The following NCOA3 variants were observed in gnomAD, a reference collection of about 807,000 sequenced individuals.
The protein encoded by NCOA3 is nuclear receptor coactivator 3, also known as CBP-interacting protein.
NCOA3 carries 51 observed loss-of-function variants against 158.8 expected under a neutral mutation model. That is an observed-to-expected ratio of 0.32 (90% CI 0.26 to 0.41). NCOA3 has a LOEUF of 0.41. Among genes scored for constraint, NCOA3 ranks in the 10% least tolerant of loss-of-function variants. The pLI, the probability that NCOA3 is intolerant of heterozygous loss-of-function variation, is 1.00. For synonymous variants in NCOA3, 537 were observed against 592.4 expected (o/e 0.91, Z 1.36); for missense variants, 1,510 against 1,746.6 (o/e 0.86, Z 2.41).
At chr20:47,638,169 C>T (rs935120692) in intron 13 of NCOA3, among the ~76,000 whole-genome samples, 2 of 152,132 alleles carry the variant, frequency 1.3e-5, no homozygotes, top group African/African-American at 4.8e-5. Flanking sequence ...AGAATCTTGT[C>T]ATTTAATTAA....
chr20:47,536,091 G>C (rs1051530139), intron 1 of NCOA3, among the ~76,000 whole-genome samples: 4 of 152,232 alleles, frequency 2.6e-5, no homozygotes, highest in East Asian at 1.9e-4. Context: ...CACAAGATAG[G>C]GGGGCATGGC....
intron 20 of NCOA3, 126 bp downstream of exon 20, chr20:47,651,402 C>T: frequency 2.1e-6 from 3 of 1,414,714 alleles, no homozygotes; most frequent in Non-Finnish European, 2.8e-6. Flanking sequence ...CAAGGAAAAC[C>T]AAATTAATTT....
intron 2 of NCOA3, among the ~76,000 whole-genome samples, chr20:47,620,429 C>T (rs1015208091): frequency 4.6e-5 from 7 of 152,124 alleles, no homozygotes; most frequent in East Asian, 3.8e-4. Flanking sequence ...AAATCAAAAC[C>T]GAACATACCT....
intron 1 of NCOA3, among the ~76,000 whole-genome samples, chr20:47,531,108 G>C (rs1278266639): frequency 1.3e-5 from 2 of 152,122 alleles, no homozygotes; most frequent in African/African-American, 4.8e-5. Flanking sequence ...GAGACTGAGG[G>C]CAGGCAGATC....
chr20:47,573,934 A>C (rs2085334690), intron 1 of NCOA3, among the ~76,000 whole-genome samples: 1 of 152,154 alleles, frequency 6.6e-6, no homozygotes, highest in African/African-American at 2.4e-5. Flanking sequence ...ATTAAATAAC[A>C]ACCCTTTTCC....
Position 47,633,570 on chromosome 20 carries a change from T to C in NCOA3, c.898T>C (p.Cys300Arg). Residue 300 changes from cysteine (C) to arginine (R), a missense_variant, in exon 9 of 23, where the codon TGT becomes CGT. Coordinates refer to ENST00000371998, the MANE Select transcript of NCOA3 (RefSeq NM_181659.3). Reference protein sequence around the residue: ...RPGFEDIIRRCIQRFFSLNDG... With the variant: ...RPGFEDIIRRRIQRFFSLNDG... ...TGGCTTTGAAGATATAATCCGAAGG[T>C]GTATTCAGAGATTTTTTAGTCTAAA... is the stretch of plus-strand genomic sequence containing the variant. 1 of 1,613,690 alleles carries C rather than the reference T, an allele frequency of 6.2e-7. No individual in the cohort carries two copies. The highest frequency in any genetic ancestry group is 1.6e-4 in the Middle Eastern group (1 of 6,062).
intron 2 of NCOA3, among the ~76,000 whole-genome samples, chr20:47,607,451 C>G (rs2085965708): frequency 6.6e-6 from 1 of 152,072 alleles, no homozygotes; most frequent in Non-Finnish European, 1.5e-5. Flanking sequence ...TTCTTGGTCA[C>G]CTCTCCATAA....
At chr20:47,640,646 C>T (rs1180969733) in intron 16 of NCOA3, among the ~76,000 whole-genome samples, 3 of 150,736 alleles carry the variant, frequency 2.0e-5, no homozygotes, top group East Asian at 1.9e-4. Flanking sequence ...TTTGGGAGGC[C>T]GAGGCGGGCA....
rs375939753 is a variant in NCOA3, at chr20:47,637,781, T to C, written c.2510T>C (p.Leu837Pro). ...CAGGTGTTTCAAGGAACTAATTCTC[T>C]GGGTAAGAATGAACTAGGTTTTTTT... ...KQQVFQGTNS[L>P]GLKSSQSVQS... Residue 837 changes from leucine to proline, a missense_variant and splice_region_variant, in exon 13 of 23, where the codon CTG (leucine) becomes CCG (proline). Leu to Pro is a moderately conservative substitution (Grantham distance 98). Around this residue, in one of 4 missense-constraint regions of NCOA3, gnomAD observed 1,017 missense variants for 1,098.3 expected, o/e 0.93. Transcript: ENST00000371998. 5 of 1,581,076 alleles carry C rather than the reference T, an allele frequency of 3.2e-6. No individual in the cohort carries two copies. In the African/African-American group the frequency reaches 5.5e-5, roughly 17 times the overall value.
At chr20:47,649,576 C>T (rs2086748193) in intron 19 of NCOA3, among the ~76,000 whole-genome samples, 1 of 151,930 alleles carries the variant, frequency 6.6e-6, no homozygotes, top group East Asian at 1.9e-4. Flanking sequence ...TTAAAATTCC[C>T]TTCTACTTCC....
chr20:47,570,879 G>C (rs1168731208), intron 1 of NCOA3, among the ~76,000 whole-genome samples: 1 of 149,328 alleles, frequency 6.7e-6, no homozygotes, highest in East Asian at 2.0e-4. Context: ...TAATCTCTTT[G>C]TACCTTGCTA....
At chr20:47,567,663 G>A (rs2085220338) in intron 1 of NCOA3, among the ~76,000 whole-genome samples, 1 of 152,080 alleles carries the variant, frequency 6.6e-6, no homozygotes, top group African/African-American at 2.4e-5. Flanking sequence ...TCTGCCTCCT[G>A]GGTTCAAGTG....
At chr20:47,581,208 T>C (rs1417567849) in intron 1 of NCOA3, among the ~76,000 whole-genome samples, 1 of 152,214 alleles carries the variant, frequency 6.6e-6, no homozygotes, top group Non-Finnish European at 1.5e-5. Context: ...ATGAATTTTA[T>C]GTTTGGACTT....
At chr20:47,595,398 C>T (rs1392629177) in intron 2 of NCOA3, among the ~76,000 whole-genome samples, 1 of 152,184 alleles carries the variant, frequency 6.6e-6, no homozygotes, top group African/African-American at 2.4e-5. Flanking sequence ...CCACGCCTGG[C>T]CTTAAAATAA....
intron 13 of NCOA3, among the ~76,000 whole-genome samples, chr20:47,638,437 T>C (rs946567126): frequency 1.3e-5 from 2 of 152,168 alleles, no homozygotes; most frequent in African/African-American, 4.8e-5. Context: ...AACAAAGATA[T>C]ATTGTGTGTG....
intron 17 of NCOA3, among the ~76,000 whole-genome samples, chr20:47,643,652 G>T (rs578256658): frequency 1.9e-4 from 29 of 152,106 alleles, no homozygotes; most frequent in African/African-American, 6.5e-4. Context: ...ATCGCTTTCT[G>T]TCTTGATTTA....
rs2086350955 is a variant in NCOA3, at chr20:47,628,034, T to C, written c.823+11T>C. The C allele has an allele frequency of 1.3e-6, 2 of 1,587,010 alleles. No homozygotes were observed. Among genetic ancestry groups the C allele is most frequent in the African/African-American group, 1.3e-5 (1 of 74,310 alleles). On this transcript the variant is annotated intron_variant, in intron 8 of 22. Transcript: ENST00000371998. The stretch of plus-strand genomic sequence containing the variant: ...GACATGATCTTTCAGGTAAAAACTC[T>C]TTTTTTGTCTCTCTCTCTCTCTGTG...
rs2086517504 is a variant in NCOA3 at position 47,636,405 on chromosome 20, G to A, written c.2019G>A (p.Met673Ile). Residue 673 changes from methionine to isoleucine, a missense_variant, in exon 12 of 23, where the codon ATG becomes ATA. Coordinates refer to ENST00000371998, the MANE Select transcript of NCOA3 (RefSeq NM_181659.3). ...TSGGVSSTSN[M>I]HGSLLQEKHR... ...GAGGAGTATCCTCTACATCCAATAT[G>A]CATGGGTCACTGTTACAAGAGAAGC... The A allele has an allele frequency of 3.7e-6, 6 of 1,613,952 alleles. No homozygotes were observed. The highest frequency in any genetic ancestry group is 1.3e-5 in the African/African-American group (1 of 74,894).
chr20:47,548,269 G>T (rs1419894638), intron 1 of NCOA3, among the ~76,000 whole-genome samples: 1 of 151,748 alleles, frequency 6.6e-6, no homozygotes, highest in East Asian at 1.9e-4. Context: ...TAGGCCAGGT[G>T]CGGTGGCCCA....
Sources: allele counts gnomAD v4.1 joint callset (sites outside exome capture counted in the v4.1 genomes callset), GRCh38; gene constraint gnomAD v4.1.1; regional missense constraint gnomAD v4.1.1; transcripts MANE v1.5; gene names NCBI Gene and HGNC (gene_info 2026-07-23, HGNC 2026-07-21).